GALNT13: variants seen among roughly 807,000 people sequenced by gnomAD.
GALNT13 encodes polypeptide N-acetylgalactosaminyltransferase 13.
A neutral mutation model predicts 64.2 loss-of-function variants in GALNT13; 28 were observed. The observed-to-expected ratio is 0.44, with a 90% CI of 0.32 to 0.60. The LOEUF is 0.60. Among genes scored for constraint, GALNT13 ranks in the 20% least tolerant of loss-of-function variants. The pLI, the probability that GALNT13 is intolerant of heterozygous loss-of-function variation, is 0.05. For synonymous variants in GALNT13, 214 were observed against 224.6 expected (o/e 0.95, Z 0.42); for missense variants, 577 against 669.8 (o/e 0.86, Z 1.53).
At chr2:153,260,177 G>T in the GALNT13 span, among the ~76,000 whole-genome samples, 1 of 151,992 alleles carries the variant, frequency 6.6e-6, no homozygotes, top group Non-Finnish European at 1.5e-5. Flanking sequence ...GTCTTGAAAA[G>T]TTACTGTAGT....
the GALNT13 span, among the ~76,000 whole-genome samples, chr2:153,661,874 T>G: frequency 6.6e-6 from 1 of 152,232 alleles, no homozygotes; most frequent in Non-Finnish European, 1.5e-5. Flanking sequence ...CATAACATTT[T>G]CATCATAAGC....
intron 3 of GALNT13, among the ~76,000 whole-genome samples, chr2:154,102,815 G>A (rs960979760): frequency 6.6e-6 from 1 of 152,106 alleles, no homozygotes; most frequent in Non-Finnish European, 1.5e-5. Flanking sequence ...GAGTGCTTGG[G>A]TATAGAGTGC....
At chr2:154,226,551 AAG>A (rs1573913510) in intron 4 of GALNT13, among the ~76,000 whole-genome samples, 1 of 152,180 alleles carries the variant, frequency 6.6e-6, no homozygotes, top group East Asian at 1.9e-4. Flanking sequence ...AATATGCAAG[AAG>A]AGAAATTTAT....
chr2:153,400,561 C>T, the GALNT13 span, among the ~76,000 whole-genome samples: 2 of 151,738 alleles, frequency 1.3e-5, no homozygotes, highest in Admixed American at 6.6e-5. Flanking sequence ...GTCCTGGACT[C>T]TTTTTGGTTG....
chr2:153,325,188 T>C, the GALNT13 span, among the ~76,000 whole-genome samples: 1 of 149,910 alleles, frequency 6.7e-6, no homozygotes, highest in Non-Finnish European at 1.5e-5. Flanking sequence ...TTGTTATTGC[T>C]CTATTAAGGG....
At chr2:154,321,835 T>C (rs185622912) in intron 9 of GALNT13, among the ~76,000 whole-genome samples, 1 of 152,172 alleles carries the variant, frequency 6.6e-6, no homozygotes, top group Non-Finnish European at 1.5e-5. Context: ...TTAAGTAACA[T>C]ATATGTTACA....
chr2:153,807,258 T>C, the GALNT13 span, among the ~76,000 whole-genome samples: 1 of 150,222 alleles, frequency 6.7e-6, no homozygotes, highest in Non-Finnish European at 1.5e-5. Flanking sequence ...TATATATACA[T>C]GTACATATGC....
chr2:153,671,388 G>A, the GALNT13 span, among the ~76,000 whole-genome samples: 26 of 152,208 alleles, frequency 1.7e-4, no homozygotes, highest in Non-Finnish European at 3.4e-4. Flanking sequence ...AAGAGTGGGG[G>A]CCAATATTCA....
chr2:153,126,547 T>C, the GALNT13 span, among the ~76,000 whole-genome samples: 3 of 152,128 alleles, frequency 2.0e-5, no homozygotes, highest in South Asian at 6.2e-4. Context: ...GATTTCAACA[T>C]ATTTTCTGAC....
At chr2:153,199,709 A>G in the GALNT13 span, among the ~76,000 whole-genome samples, 2 of 152,204 alleles carry the variant, frequency 1.3e-5, no homozygotes, top group African/African-American at 4.8e-5. Context: ...ATGTTGTCCT[A>G]TGTTTATGCT....
chr2:153,151,682 G>A, the GALNT13 span, among the ~76,000 whole-genome samples: 1 of 152,070 alleles, frequency 6.6e-6, no homozygotes, highest in African/African-American at 2.4e-5. Flanking sequence ...CCTCTGTAGG[G>A]ATGTGGATGA....
intron 3 of GALNT13, among the ~76,000 whole-genome samples, chr2:154,084,055 A>G (rs961994869): frequency 6.6e-6 from 1 of 151,888 alleles, no homozygotes; most frequent in Non-Finnish European, 1.5e-5. Flanking sequence ...GAATACTAAA[A>G]CAAATGTACT....
chr2:153,128,821 A>G, the GALNT13 span, among the ~76,000 whole-genome samples: 1 of 152,114 alleles, frequency 6.6e-6, no homozygotes, highest in Non-Finnish European at 1.5e-5. Context: ...GAACTCTTAC[A>G]TGGATGGCAG....
Position 154,276,861 on chromosome 2 carries a change from C to T in GALNT13, c.975+17723C>T, listed in dbSNP as rs114785491. Among the ~76,000 whole-genome samples the T allele has an allele frequency of 7.1e-3, 1,076 of 152,274 alleles. 13 individuals carry two copies. The highest frequency in any genetic ancestry group is 0.024 in the African/African-American group (980 of 41,562). ...TTACAAAGGGCTTTTCCCCCTTTTG[C>T]TGGGTGCTTCTTGCTGCTACCATGT... On this transcript the variant is annotated intron_variant, in intron 8 of 12. Transcript: ENST00000392825.
chr2:153,098,612 T>C, the GALNT13 span, among the ~76,000 whole-genome samples: 1 of 152,232 alleles, frequency 6.6e-6, no homozygotes, highest in Non-Finnish European at 1.5e-5. Flanking sequence ...TCACCCATAT[T>C]GTTGCATATG....
the GALNT13 span, among the ~76,000 whole-genome samples, chr2:153,745,788 A>G: frequency 3.3e-5 from 5 of 152,146 alleles, no homozygotes; most frequent in African/African-American, 1.2e-4. Context: ...TGAGGCAAAC[A>G]TGGCTCACTG....
At chr2:154,034,630 ACT>A (rs1297519639) in intron 3 of GALNT13, among the ~76,000 whole-genome samples, 3 of 134,728 alleles carry the variant, frequency 2.2e-5, no homozygotes, top group Admixed American at 2.1e-4. Context: ...CATTATCCAC[ACT>A]CTGTGTCCAT....
At chr2:154,367,281 G>C (rs1017971229) in intron 9 of GALNT13, among the ~76,000 whole-genome samples, 2 of 152,108 alleles carry the variant, frequency 1.3e-5, no homozygotes, top group Admixed American at 6.6e-5. Context: ...TGGAAAAATG[G>C]ATGATAACTT....
chr2:153,641,243 C>T, the GALNT13 span, among the ~76,000 whole-genome samples: 1 of 152,104 alleles, frequency 6.6e-6, no homozygotes, highest in Non-Finnish European at 1.5e-5. Context: ...AAGAGCCACC[C>T]TCTTGTTCAT....
Sources: gnomAD v4.1 joint callset for allele counts (sites outside exome capture counted in the v4.1 genomes callset) on GRCh38, gnomAD v4.1.1 for gene constraint, MANE v1.5 for transcripts, NCBI Gene and HGNC (gene_info 2026-07-23, HGNC 2026-07-21) for gene names.